The following MAML3 variants were observed in gnomAD, a reference collection of about 807,000 sequenced individuals.
MAML3 encodes mastermind like transcriptional coactivator 3.
Under a neutral mutation model 101.9 loss-of-function variants are expected in MAML3, and 27 were observed. That is an observed-to-expected ratio of 0.27 (90% CI 0.20 to 0.37). MAML3 has a LOEUF of 0.37. Ranked by LOEUF, MAML3 falls within the 10% of genes least tolerant of loss-of-function variation. The pLI is 1.00. For synonymous variants in MAML3, 501 were observed against 555.9 expected, an observed-to-expected ratio of 0.90 and a Z score of 1.39; for missense variants, 1,316 against 1,444.9, an observed-to-expected ratio of 0.91 and a Z score of 1.45.
Position 139,730,560 on chromosome 4 carries a change from G to T in MAML3, c.2187C>A (p.Phe729Leu). 1 of 1,592,196 alleles carries T rather than the reference G, an allele frequency of 6.3e-7. No individual in the cohort carries two copies. Among genetic ancestry groups the T allele is most frequent in the East Asian group, 2.3e-5 (1 of 43,908 alleles). The change falls in exon 3 of 5, where the codon TTC becomes TTA. Residue 729 changes from phenylalanine (F) to leucine (L), a missense_variant. Transcript: ENST00000509479. ...TGGCTGCTTGGGGCTGGCTGCCCAG[G>T]AAGCCGGGGCCTGCGGGACTGGCTC... ...VSGASPAGPG[F>L]LGSQPQAAIM...
At chr4:139,865,852 C>T (rs1731888465) in intron 2 of MAML3, among the ~76,000 whole-genome samples, 1 of 152,256 alleles carries the variant, frequency 6.6e-6, no homozygotes, top group Non-Finnish European at 1.5e-5. Flanking sequence ...CCTGTGTTCC[C>T]ACCTCTAGAC....
intron 2 of MAML3, among the ~76,000 whole-genome samples, chr4:139,859,077 C>A (rs916737532): frequency 6.6e-6 from 1 of 152,148 alleles, no homozygotes; most frequent in African/African-American, 2.4e-5. Flanking sequence ...CAGCCCAAGT[C>A]ATTAAAACCA....
At chr4:139,933,141 G>A (rs1197794733) in intron 1 of MAML3, among the ~76,000 whole-genome samples, 1 of 151,836 alleles carries the variant, frequency 6.6e-6, no homozygotes, top group Non-Finnish European at 1.5e-5. Flanking sequence ...GAGAAAAGAA[G>A]GAAGCAAGGA....
intron 1 of MAML3, among the ~76,000 whole-genome samples, chr4:140,148,998 T>C (rs1021418832): frequency 6.6e-6 from 1 of 152,188 alleles, no homozygotes; most frequent in Non-Finnish European, 1.5e-5. Flanking sequence ...CATTTTAAAA[T>C]TTTGAAAACT....
At chr4:140,091,537 CAAAAACAAAACAA>C (rs1247507371) in intron 1 of MAML3, among the ~76,000 whole-genome samples, 8 of 71,622 alleles carry the variant, frequency 1.1e-4, no homozygotes, top group Non-Finnish European at 8.2e-5. Flanking sequence ...AACAACAAAA[CAAAAACAAAACAA>C]AAAAAAAAAA....
intron 1 of MAML3, among the ~76,000 whole-genome samples, chr4:139,969,635 T>C (rs1297269699): frequency 1.3e-5 from 2 of 152,216 alleles, no homozygotes; most frequent in African/African-American, 4.8e-5. Flanking sequence ...AGATTTTATG[T>C]TAATATTCCT....
chr4:139,738,849 G>A (rs1442125076), intron 2 of MAML3, among the ~76,000 whole-genome samples: 1 of 152,150 alleles, frequency 6.6e-6, no homozygotes, highest in African/African-American at 2.4e-5. Context: ...TTTTATCCCA[G>A]ATGCAATAAC....
At chr4:139,980,767 G>C (rs1055196577) in intron 1 of MAML3, among the ~76,000 whole-genome samples, 1 of 152,146 alleles carries the variant, frequency 6.6e-6, no homozygotes, top group East Asian at 1.9e-4. Context: ...CAAGGAGCTC[G>C]TATTCTGCTG....
At chr4:139,839,916 A>C (rs1011597027) in intron 2 of MAML3, among the ~76,000 whole-genome samples, 1 of 152,168 alleles carries the variant, frequency 6.6e-6, no homozygotes, top group Non-Finnish European at 1.5e-5. Flanking sequence ...ATTACTATCC[A>C]AAAGCAACTC....
At chr4:139,781,642 G>C (rs1180885795) in intron 2 of MAML3, among the ~76,000 whole-genome samples, 1 of 152,016 alleles carries the variant, frequency 6.6e-6, no homozygotes, top group East Asian at 1.9e-4. Flanking sequence ...TGGGCAAAGA[G>C]GGGAGAATGT....
At chr4:139,751,818 C>G (rs753603101) in intron 2 of MAML3, among the ~76,000 whole-genome samples, 6 of 152,200 alleles carry the variant, frequency 3.9e-5, no homozygotes, top group Non-Finnish European at 7.3e-5. Flanking sequence ...ACAATGACAT[C>G]TTTGACCTCT....
At chr4:140,096,210 G>A (rs1421943055) in intron 1 of MAML3, among the ~76,000 whole-genome samples, 1 of 152,094 alleles carries the variant, frequency 6.6e-6, no homozygotes, top group East Asian at 1.9e-4. Context: ...CGCACTTTGG[G>A]GTACTTAATA....
intron 1 of MAML3, among the ~76,000 whole-genome samples, chr4:140,047,734 G>A (rs892606787): frequency 1.6e-5 from 2 of 121,626 alleles, no homozygotes; most frequent in Non-Finnish European, 3.2e-5. Context: ...CCCAAAATGG[G>A]CACAGCAGAA....
intron 1 of MAML3, among the ~76,000 whole-genome samples, chr4:140,047,278 T>C (rs1727198138): frequency 6.6e-6 from 1 of 152,120 alleles, no homozygotes. Context: ...GGGAACGCAC[T>C]GAGGGACTTA....
In MAML3 at chr4:140,028,295, G is replaced by A. The variant is rs532512636; in HGVS notation, c.468+124565C>T. Among the ~76,000 whole-genome samples the A allele has an allele frequency of 5.9e-5, 9 of 152,250 alleles. No individual in the cohort carries two copies. The East Asian group carries it at 1.5e-3, about 26-fold the overall frequency. On this transcript the variant is annotated intron_variant, in intron 1 of 4. Coordinates refer to ENST00000509479, the MANE Select transcript of MAML3 (RefSeq NM_018717.5). ...TGGCAGTTCTGATAAAGAGGTTCCTGGGGTAAGGATTCTGAAAAAAAAGTG... is the reference window on the plus strand; with the variant it reads ...TGGCAGTTCTGATAAAGAGGTTCCTAGGGTAAGGATTCTGAAAAAAAAGTG...
chr4:140,097,939 T>C (rs1053405312), intron 1 of MAML3, among the ~76,000 whole-genome samples: 2 of 152,228 alleles, frequency 1.3e-5, no homozygotes, highest in Non-Finnish European at 2.9e-5. Context: ...CCTGCCTGTA[T>C]TAAGAAACCT....
At chr4:139,908,074 C>CT (rs1345788402) in intron 1 of MAML3, among the ~76,000 whole-genome samples, 1 of 152,196 alleles carries the variant, frequency 6.6e-6, no homozygotes, top group Admixed American at 6.5e-5. Flanking sequence ...TGTATCCTCT[C>CT]TGGAACTCAG....
chr4:140,120,168 C>T (rs1288406481), intron 1 of MAML3, among the ~76,000 whole-genome samples: 1 of 144,306 alleles, frequency 6.9e-6, no homozygotes, highest in Non-Finnish European at 1.5e-5. Flanking sequence ...ACCCGGGAGG[C>T]GGAGCTTGCA....
intron 1 of MAML3, among the ~76,000 whole-genome samples, chr4:140,077,688 G>C (rs1727794004): frequency 6.6e-6 from 1 of 152,064 alleles, no homozygotes; most frequent in South Asian, 2.1e-4. Context: ...TATTTACCAA[G>C]GTAGCCACTA....
Sources: gnomAD v4.1 joint callset for allele counts (sites outside exome capture counted in the v4.1 genomes callset) on GRCh38, gnomAD v4.1.1 for gene constraint, MANE v1.5 for transcripts, NCBI Gene and HGNC (gene_info 2026-07-23, HGNC 2026-07-21) for gene names.